Variants in SMAD9 observed in about 807,000 individuals in gnomAD.
SMAD9 encodes MAD homolog 9.
Under a neutral mutation model 46.1 loss-of-function variants are expected in SMAD9, and 36 were observed. The ratio of observed to expected loss-of-function variants is 0.78; its 90% CI spans 0.60 to 1.03. SMAD9 has a LOEUF of 1.03. Among genes scored for constraint, SMAD9 ranks in the 50% least tolerant of loss-of-function variants. SMAD9 has a pLI of 0.00. For missense variants in SMAD9, 572 were observed against 599.8 expected, an observed-to-expected ratio of 0.95 and a Z score of 0.48; for synonymous variants, 245 against 237.1, an observed-to-expected ratio of 1.03 and a Z score of -0.31.
chr13:36,873,552 T>G (rs933029555), intron 2 of SMAD9, among the ~76,000 whole-genome samples: 1 of 152,146 alleles, frequency 6.6e-6, no homozygotes, highest in Non-Finnish European at 1.5e-5. Flanking sequence ...TGAATAATAA[T>G]AAAAGTGACT....
At chr13:36,905,809 A>C (rs1021828274) in intron 1 of SMAD9, among the ~76,000 whole-genome samples, 9 of 110,580 alleles carry the variant, frequency 8.1e-5, no homozygotes, top group African/African-American at 3.2e-4. Context: ...AAAAAAAAAA[A>C]AAAAAACTTA....
chr13:36,920,062 A>G (rs926274813), intron 1 of SMAD9, 54 bp downstream of exon 1: 2 of 133,590 alleles, frequency 1.5e-5, no homozygotes, highest in Non-Finnish European at 3.3e-5. Flanking sequence ...GGCGCCCCCA[A>G]CCCCGCCCCC....
intron 5 of SMAD9, among the ~76,000 whole-genome samples, chr13:36,865,111 T>G (rs1276329085): frequency 6.6e-6 from 1 of 152,220 alleles, no homozygotes; most frequent in African/African-American, 2.4e-5. Context: ...TCTTTCTAAC[T>G]ACCTAGCTGC....
At chr13:36,850,665 C>T (rs2058067123) in intron 6 of SMAD9, among the ~76,000 whole-genome samples, 1 of 152,194 alleles carries the variant, frequency 6.6e-6, no homozygotes, top group Non-Finnish European at 1.5e-5. Context: ...AGGCATGAGC[C>T]ACCACGCCCG....
intron 5 of SMAD9, among the ~76,000 whole-genome samples, chr13:36,855,222 AGACTGGGC>A (rs986065049): frequency 1.3e-5 from 2 of 148,758 alleles, no homozygotes; most frequent in African/African-American, 5.0e-5. Context: ...ACTGCACTCC[AGACTGGGC>A]GACTGAGTGA....
At chr13:36,915,902 ATATAT>A (rs2058695184) in intron 1 of SMAD9, among the ~76,000 whole-genome samples, 2 of 152,214 alleles carry the variant, frequency 1.3e-5, no homozygotes, top group Admixed American at 6.5e-5. Context: ...GTACAACTGA[ATATAT>A]TATATGGGCA....
chr13:36,913,675 T>TA (rs1399596879), intron 1 of SMAD9, among the ~76,000 whole-genome samples: 97 of 152,316 alleles, frequency 6.4e-4, no homozygotes, highest in African/African-American at 2.3e-3. Context: ...TGTAAACATA[T>TA]AGTCAATAAG....
rs541267987 is a variant in SMAD9 at position 36,869,140 on chromosome 13, G to A, written c.671-1757C>T. Among the ~76,000 whole-genome samples, 9 of 152,178 alleles carry A rather than the reference G, an allele frequency of 5.9e-5. No homozygotes were observed. The South Asian group carries it at 1.9e-3, about 32-fold the overall frequency. ...GAAATACGGAGCTATTGTTAAATCA[G>A]TACGGAGTTTCCGTTTGGGGTGATG... On this transcript the variant is annotated intron_variant, in intron 3 of 6. Coordinates refer to ENST00000379826, the MANE Select transcript of SMAD9 (RefSeq NM_001127217.3).
chr13:36,885,999 G>C (rs1295084501), intron 1 of SMAD9, among the ~76,000 whole-genome samples: 1 of 152,156 alleles, frequency 6.6e-6, no homozygotes, highest in African/African-American at 2.4e-5. Context: ...ACAGTGCATG[G>C]AGATCATAAG....
At chr13:36,907,516 T>G (rs373414233) in intron 1 of SMAD9, among the ~76,000 whole-genome samples, 1 of 152,128 alleles carries the variant, frequency 6.6e-6, no homozygotes, top group Non-Finnish European at 1.5e-5. Context: ...AAAGTGGTTG[T>G]TGTTTTTGAT....
Position 36,848,577 on chromosome 13 carries a change from A to T in SMAD9, c.*99T>A. 1 of 1,116,602 alleles carries T rather than the reference A, an allele frequency of 9.0e-7. No homozygotes were observed. The highest frequency in any genetic ancestry group is 1.4e-6 in the Non-Finnish European group (1 of 727,472). 69.2% of individuals were successfully genotyped at this position (1,116,602 alleles called of 1,614,324 possible). On this transcript the variant is annotated 3_prime_UTR_variant, in exon 7 of 7. Coordinates refer to ENST00000379826, the MANE Select transcript of SMAD9 (RefSeq NM_001127217.3). The stretch of plus-strand genomic sequence containing the variant: ...AGAACAGTATACATTCTATGTATTT[A>T]CACATGTTTTTAGAAACTTCAGTTG...
At chr13:36,903,999 TC>T (rs1157768315) in intron 1 of SMAD9, among the ~76,000 whole-genome samples, 2 of 152,108 alleles carry the variant, frequency 1.3e-5, no homozygotes, top group African/African-American at 2.4e-5. Context: ...ATTATGGAAA[TC>T]CAAAGAGCAC....
intron 1 of SMAD9, among the ~76,000 whole-genome samples, chr13:36,882,527 T>C (rs547546883): frequency 3.3e-5 from 5 of 152,184 alleles, no homozygotes; most frequent in Non-Finnish European, 7.4e-5. Flanking sequence ...ATCATTACAG[T>C]GGTCTCACGA....
At chr13:36,861,994 G>T (rs531676996) in intron 5 of SMAD9, among the ~76,000 whole-genome samples, 1 of 151,776 alleles carries the variant, frequency 6.6e-6, no homozygotes, top group East Asian at 1.9e-4. Flanking sequence ...AGAACAGCCA[G>T]GCAATCTTTT....
intron 1 of SMAD9, among the ~76,000 whole-genome samples, chr13:36,882,208 T>C (rs2058408788): frequency 2.0e-5 from 3 of 148,252 alleles, no homozygotes; most frequent in Admixed American, 6.9e-5. Flanking sequence ...CATGAAAAAT[T>C]TTCATTCACA....
intron 1 of SMAD9, among the ~76,000 whole-genome samples, chr13:36,902,253 A>C (rs2058582383): frequency 6.6e-6 from 1 of 152,170 alleles, no homozygotes; most frequent in South Asian, 2.1e-4. Flanking sequence ...CACTGAATAA[A>C]GAACTGGACT....
In SMAD9 at chr13:36,847,979, T is replaced by C. The variant is rs2138248634; in HGVS notation, c.*697A>G. 6.6e-6 allele frequency: 1 copy of C among 152,362 alleles called. No homozygotes were observed. The highest frequency in any genetic ancestry group is 2.1e-4 in the South Asian group (1 of 4,822). The allele number at this position is 152,362 out of a possible 1,614,324, so 9.4% of individuals were successfully genotyped here. A position where few individuals can be genotyped will look rare whatever the true frequency, so the allele number is the denominator to read the frequency against. On this transcript the variant is annotated 3_prime_UTR_variant, in exon 7 of 7. Coordinates refer to ENST00000379826, the MANE Select transcript of SMAD9 (RefSeq NM_001127217.3). ...ATCTGGGAAACAGCATTTCATGCTA[T>C]TTTCATATTTATTTTCCCATATTAG...
At chr13:36,882,807 A>C (rs2138519542) in intron 1 of SMAD9, among the ~76,000 whole-genome samples, 1 of 152,312 alleles carries the variant, frequency 6.6e-6, no homozygotes, top group Non-Finnish European at 1.5e-5. Flanking sequence ...TAATTGTAAA[A>C]AATGAATCAT....
chr13:36,879,440 G>C lies in SMAD9; in HGVS notation c.250C>G (p.Arg84Gly), dbSNP rs769199234. 6.2e-7 allele frequency: 1 copy of C among 1,613,626 alleles called. No homozygotes were observed. Among genetic ancestry groups the C allele is most frequent in the Non-Finnish European group, 8.5e-7 (1 of 1,180,042 alleles). The change falls in exon 2 of 7, where the codon CGC becomes GGC. Residue 84 changes from arginine (R) to glycine (G), a missense_variant. By Grantham distance (125) the Arg-to-Gly change is moderately radical. Transcript: ENST00000379826. ...SLDGRLQVSH[R>G]KGLPHVIYCR... The stretch of plus-strand genomic sequence containing the variant: ...TAAATCACATGGGGCAGGCCCTTGC[G>C]GTGGGACACCTGCAGCCGCCCGTCC...
Sources: allele counts gnomAD v4.1 joint callset (sites outside exome capture counted in the v4.1 genomes callset), GRCh38; gene constraint gnomAD v4.1.1; transcripts MANE v1.5; gene names NCBI Gene and HGNC (gene_info 2026-07-23, HGNC 2026-07-21).